The following ZNF365 variants were observed in gnomAD, a reference collection of about 807,000 sequenced individuals.
ZNF365 encodes the protein zinc finger protein 365.
ZNF365 carries 22 observed loss-of-function variants against 35.0 expected under a neutral mutation model. The observed-to-expected ratio is 0.63, with a 90% CI of 0.45 to 0.90. The LOEUF (loss-of-function observed/expected upper bound fraction) is 0.90. Ranked by LOEUF, ZNF365 falls within the 40% of genes least tolerant of loss-of-function variation. ZNF365 has a pLI of 0.00. For synonymous variants in ZNF365, 188 were observed against 196.2 expected (o/e 0.96, Z 0.35); for missense variants, 448 against 500.3 (o/e 0.90, Z 1.00).
chr10:62,390,180 C>T (rs982627656), intron 3 of ZNF365, among the ~76,000 whole-genome samples: 2 of 152,064 alleles, frequency 1.3e-5, no homozygotes, highest in South Asian at 2.1e-4. Context: ...CTTCCTGGGC[C>T]TATATTTCTT....
chr10:62,471,195 T>G (rs374282300), intron 4 of ZNF365, among the ~76,000 whole-genome samples: 87 of 151,916 alleles, frequency 5.7e-4, no homozygotes, highest in African/African-American at 2.1e-3. Flanking sequence ...TGAAACCCTG[T>G]CTCTACTAAA....
intron 4 of ZNF365, among the ~76,000 whole-genome samples, chr10:62,468,296 T>C (rs1445921336): frequency 6.6e-6 from 1 of 152,192 alleles, no homozygotes; most frequent in Non-Finnish European, 1.5e-5. Context: ...TGAGAACTTA[T>C]ATATGTATGT....
At chr10:62,440,451 T>C (rs906560621) in intron 3 of ZNF365, among the ~76,000 whole-genome samples, 10 of 152,152 alleles carry the variant, frequency 6.6e-5, no homozygotes, top group Admixed American at 1.3e-4. Context: ...CTTCTTTGCA[T>C]AAAAATTTAC....
chr10:62,401,794 A>AACCC lies in ZNF365; in HGVS notation c.*2007_*2008insCCAC, dbSNP rs1173510184. ...TAACTGACATTTTGGATTTTCATCT[A>AACCC]ACATAGAGGGCATGGCAACTCTCTT... On this transcript the variant is annotated 3_prime_UTR_variant, in exon 5 of 5. Transcript: ENST00000395254. 1.2e-5 allele frequency: 12 copies of AACCC among 985,410 alleles called. No individual in the cohort carries two copies. In the African/African-American group the frequency reaches 2.1e-4, roughly 17 times the overall value. The allele number at this position is 985,410 out of a possible 1,614,324, so 61.0% of individuals were successfully genotyped here. A position where few individuals can be genotyped will look rare whatever the true frequency, so the allele number is the denominator to read the frequency against.
rs1488741843 is a variant in ZNF365, at chr10:62,400,918, A to C, written c.*1129A>C. 1 of 985,468 alleles carries C rather than the reference A, an allele frequency of 1.0e-6. No homozygotes were observed. The allele number at this position is 985,468 out of a possible 1,614,324, so 61.0% of individuals were successfully genotyped here. ...GAAATAAACAATGCATGTAGGAGCC[A>C]GAATCTGACACTGTCTTCCCCTCCT... On this transcript the variant is annotated 3_prime_UTR_variant, in exon 5 of 5. Transcript: ENST00000395254.
At chr10:62,454,620 A>G (rs1840733136) in intron 3 of ZNF365, among the ~76,000 whole-genome samples, 1 of 151,426 alleles carries the variant, frequency 6.6e-6, no homozygotes, top group Admixed American at 6.6e-5. Flanking sequence ...GTGGTATTAC[A>G]TGTGCTTCAT....
chr10:62,399,939 G>A lies in ZNF365; in HGVS notation c.*150G>A, dbSNP rs149449751. The stretch of plus-strand genomic sequence containing the variant: ...CAGGCAAGCACCTCAATTAACCAGA[G>A]CTTAGCAAATGGGAATCTTAGTGAA... On this transcript the variant is annotated 3_prime_UTR_variant, in exon 5 of 5. Coordinates refer to ENST00000395254, the MANE Select transcript of ZNF365 (RefSeq NM_014951.3). 6.7e-4 allele frequency: 920 copies of A among 1,371,494 alleles called. 8 individuals are homozygous for A. In the African/African-American group the frequency reaches 0.012, roughly 18 times the overall value. 85.0% of individuals were successfully genotyped at this position (1,371,494 alleles called of 1,614,324 possible). A position where few individuals can be genotyped will look rare whatever the true frequency, so the allele number is the denominator to read the frequency against.
intron 4 of ZNF365, among the ~76,000 whole-genome samples, chr10:62,464,933 C>T (rs1758589701): frequency 2.0e-5 from 3 of 151,484 alleles, no homozygotes. Flanking sequence ...TCTGCAGCAC[C>T]AGCAGGGGCC....
intron 4 of ZNF365, among the ~76,000 whole-genome samples, chr10:62,462,886 A>G (rs1187480971): frequency 1.3e-5 from 2 of 152,206 alleles, no homozygotes; most frequent in African/African-American, 4.8e-5. Context: ...TGACAGCTAC[A>G]AGGGATCTAT....
intron 3 of ZNF365, among the ~76,000 whole-genome samples, chr10:62,432,429 A>C (rs1331991717): frequency 1.3e-5 from 2 of 152,214 alleles, no homozygotes; most frequent in Non-Finnish European, 2.9e-5. Flanking sequence ...ACAGCAGGTC[A>C]GGGCTGCTCC....
rs1840629442 is a variant in ZNF365, at chr10:62,448,648, GGTATC to G, written c.925-11092_925-11088del. Among the ~76,000 whole-genome samples, 3 of 152,080 alleles carry G rather than the reference GGTATC, an allele frequency of 2.0e-5. No homozygotes were observed. The South Asian group carries it at 6.2e-4, about 32-fold the overall frequency. On this transcript the variant is annotated intron_variant, in intron 3 of 4. Transcript: ENST00000395255. ...TATTGCAGATATGGTGTCTATTATA[GGTATC>G]TACCAAGTGCAGAGGGCTTACGAAA...
chr10:62,407,689 G>A (rs906188386), intron 3 of ZNF365, among the ~76,000 whole-genome samples: 1 of 152,108 alleles, frequency 6.6e-6, no homozygotes, highest in African/African-American at 2.4e-5. Context: ...CTGTGTAGAA[G>A]GCATATGAAC....
intron 4 of ZNF365, among the ~76,000 whole-genome samples, chr10:62,465,439 G>C (rs74158917): frequency 0.011 from 1,638 of 152,252 alleles, 29 homozygotes; most frequent in African/African-American, 0.037. Context: ...TGTGTCCCTA[G>C]TGAAAACCCA....
At chr10:62,438,033 G>C (rs1458771307) in intron 3 of ZNF365, among the ~76,000 whole-genome samples, 1 of 152,154 alleles carries the variant, frequency 6.6e-6, no homozygotes, top group Non-Finnish European at 1.5e-5. Flanking sequence ...TCAAGTAACT[G>C]TGTATGGGAA....
intron 4 of ZNF365, among the ~76,000 whole-genome samples, chr10:62,461,506 G>C (rs1840846908): frequency 6.6e-6 from 1 of 152,180 alleles, no homozygotes; most frequent in South Asian, 2.1e-4. Context: ...GCCCTGCCTG[G>C]GCTTTCCTGA....
intron 4 of ZNF365, among the ~76,000 whole-genome samples, chr10:62,461,426 C>A (rs940383782): frequency 6.6e-6 from 1 of 152,176 alleles, no homozygotes; most frequent in Non-Finnish European, 1.5e-5. Flanking sequence ...CAGGGAAAGG[C>A]CTCTGAGCAT....
At chr10:62,403,895 C>G (rs559235480), downstream of ZNF365, among the ~76,000 whole-genome samples, 1 of 152,156 alleles carries the variant, frequency 6.6e-6, no homozygotes, top group Non-Finnish European at 1.5e-5. Flanking sequence ...GGGTGGCATG[C>G]CTGCATGATC....
rs891460437 is a variant in ZNF365 at position 62,476,584 on chromosome 10, C to A, written c.982-3292C>A. Among the ~76,000 whole-genome samples the A allele has an allele frequency of 3.3e-5, 5 of 152,130 alleles. No homozygotes were observed. In the South Asian group the frequency reaches 1.0e-3, roughly 32 times the overall value. On this transcript the variant is annotated intron_variant, in intron 4 of 4. Transcript: ENST00000395255. ...GAAAAGATTGTTCTGCCACCTGATGCCAAAGAAGCTGTTAAGACTAAGATC... is the reference window on the plus strand; with the variant it reads ...GAAAAGATTGTTCTGCCACCTGATGACAAAGAAGCTGTTAAGACTAAGATC...
At chr10:62,388,143 C>G (rs1290272501) in intron 2 of ZNF365, among the ~76,000 whole-genome samples, 4 of 152,154 alleles carry the variant, frequency 2.6e-5, no homozygotes, top group African/African-American at 9.7e-5. Flanking sequence ...CCCTTGCACC[C>G]AGTTTCAATT....
Sources: allele counts gnomAD v4.1 joint callset (sites outside exome capture counted in the v4.1 genomes callset), GRCh38; gene constraint gnomAD v4.1.1; transcripts MANE v1.5; gene names NCBI Gene and HGNC (gene_info 2026-07-23, HGNC 2026-07-21).